SEC24D: variants seen among roughly 807,000 people sequenced by gnomAD.
SEC24D encodes the protein protein transport protein Sec24D.
In SEC24D, 69 loss-of-function variants were observed where a neutral mutation model predicts 116.9. The ratio of observed to expected loss-of-function variants is 0.59; its 90% CI spans 0.49 to 0.72. The LOEUF (loss-of-function observed/expected upper bound fraction) is 0.72, where lower values mean the gene tolerates loss of function less well. Among genes scored for constraint, SEC24D ranks in the 30% least tolerant of loss-of-function variants. The pLI, the probability that SEC24D is intolerant of heterozygous loss-of-function variation, is 0.00. For missense variants in SEC24D, 1,131 were observed against 1,264.1 expected (o/e 0.89, Z 1.60); for synonymous variants, 405 against 442.8 (o/e 0.91, Z 1.07).
chr4:118,821,239 T>C (rs1489838153), intron 3 of SEC24D, among the ~76,000 whole-genome samples: 3 of 152,248 alleles, frequency 2.0e-5, no homozygotes, highest in Non-Finnish European at 2.9e-5. Context: ...TTTGTTGAAA[T>C]CAATTTCTTA....
intron 6 of SEC24D, among the ~76,000 whole-genome samples, chr4:118,809,412 C>G (rs1328015647): frequency 6.6e-6 from 1 of 152,202 alleles, no homozygotes; most frequent in Admixed American, 6.5e-5. Context: ...GCACCTCGCT[C>G]AGGACTGGGG....
chr4:118,817,269 C>T lies in SEC24D; in HGVS notation c.392G>A (p.Ser131Asn), dbSNP rs749722663. 14 of 1,601,954 alleles carry T rather than the reference C, an allele frequency of 8.7e-6. 1 individual carries two copies. The South Asian group carries it at 1.5e-4, about 17-fold the overall frequency. Reference protein sequence around the residue: ...GSQLSAMQINSYGSGMAPPSQ... With the variant: ...GSQLSAMQINNYGSGMAPPSQ... ...ACTAATAATAAAACTATTACCATAGCTGTTGATTTGCATAGCACTGAGCTG... is the reference window on the plus strand; with the variant it reads ...ACTAATAATAAAACTATTACCATAGTTGTTGATTTGCATAGCACTGAGCTG... Residue 131 changes from serine to asparagine, a missense_variant, in exon 4 of 23, where the codon AGC (serine) becomes AAC (asparagine). Coordinates refer to ENST00000280551, the MANE Select transcript of SEC24D (RefSeq NM_014822.4).
chr4:118,745,066 A>AT lies in SEC24D; in HGVS notation c.1708-7_1708-6insA. The AT allele has an allele frequency of 6.5e-7, 1 of 1,527,896 alleles. No individual in the cohort carries two copies. The highest frequency in any genetic ancestry group is 2.3e-5 in the East Asian group (1 of 44,218). 94.6% of individuals were successfully genotyped at this position (1,527,896 alleles called of 1,614,324 possible). On this transcript the variant is annotated splice_region_variant and splice_polypyrimidine_tract_variant and intron_variant, in intron 13 of 22. Coordinates refer to ENST00000280551, the MANE Select transcript of SEC24D (RefSeq NM_014822.4). ...TTCCCAGGACAGTCTGCTGCCTAAA[A>AT]AAAAAAAAAAACCCAAAAACCCACA...
At position 118,798,348 on chromosome 4, in the gene SEC24D, T is replaced by C. The variant is rs564973983; in HGVS notation, c.914-538A>G. On this transcript the variant is annotated intron_variant, in intron 7 of 22. Transcript: ENST00000280551. ...TTCAAAATGAAAATTCTACTTATAA[T>C]AGAAATATTATTTTCAAAAACACCC... Among the ~76,000 whole-genome samples, 15 of 152,332 alleles carry C rather than the reference T, an allele frequency of 9.8e-5. No individual in the cohort carries two copies. In the South Asian group the frequency reaches 3.1e-3, roughly 32 times the overall value.
chr4:118,833,853 C>T, intron 1 of SEC24D, 116 bp from the exon 2 acceptor site: 1 of 572,160 alleles, frequency 1.7e-6, no homozygotes, highest in Non-Finnish European at 3.1e-6. Flanking sequence ...GTACAGATAT[C>T]AGGTACATGA....
chr4:118,778,021 G>A (rs1328578246), intron 8 of SEC24D, among the ~76,000 whole-genome samples: 1 of 151,936 alleles, frequency 6.6e-6, no homozygotes, highest in African/African-American at 2.4e-5. Context: ...TTGTCAGATG[G>A]GTAGATTGCA....
chr4:118,806,020 G>T, intron 6 of SEC24D, 66 bp from the exon 7 acceptor site: 1 of 1,005,166 alleles, frequency 9.9e-7, no homozygotes, highest in Non-Finnish European at 1.5e-6. Flanking sequence ...TCCATTTAGA[G>T]AGTACCCTTG....
chr4:118,804,389 T>C (rs541343917), intron 7 of SEC24D, among the ~76,000 whole-genome samples: 4 of 152,132 alleles, frequency 2.6e-5, no homozygotes, highest in East Asian at 1.9e-4. Context: ...GACGATGAGA[T>C]TGGTATATGA....
At chr4:118,792,896 A>AAAAACAAAAC (rs1359980891) in intron 8 of SEC24D, among the ~76,000 whole-genome samples, 8 of 152,324 alleles carry the variant, frequency 5.3e-5, no homozygotes, top group African/African-American at 1.9e-4. Flanking sequence ...ATAAATACTA[A>AAAAACAAAAC]AAAACAAAAC....
intron 13 of SEC24D, among the ~76,000 whole-genome samples, chr4:118,747,144 A>G (rs1052884366): frequency 3.3e-5 from 5 of 152,190 alleles, no homozygotes; most frequent in African/African-American, 9.7e-5. Context: ...TTTGGCCAGT[A>G]AAGACACATG....
In SEC24D at chr4:118,815,051, C is replaced by A. The variant is rs766955790; in HGVS notation, c.778G>T (p.Asp260Tyr). The change falls in exon 6 of 23, where the codon GAT becomes TAT. Residue 260 changes from aspartate (D) to tyrosine (Y), a missense_variant. By Grantham distance (160) the Asp-to-Tyr change is radical (BLOSUM62 -3). Coordinates refer to ENST00000280551, the MANE Select transcript of SEC24D (RefSeq NM_014822.4). ...AGPPQPQKKL[D>Y]PDSIPSPIQV... is the part of the protein sequence containing the mutation. The stretch of plus-strand genomic sequence containing the variant: ...ACTGGGCTAGGGATAGAGTCAGGAT[C>A]CAGCTTCTTCTGGGGCTGTGGCGGA... 1.0e-4 allele frequency: 161 copies of A among 1,614,042 alleles called. 2 individuals carry two copies. The South Asian group carries it at 1.7e-3, about 17-fold the overall frequency.
intron 2 of SEC24D, chr4:118,825,474 C>T (rs1420055555): frequency 2.3e-6 from 1 of 442,372 alleles, no homozygotes; most frequent in Non-Finnish European, 4.5e-6. Flanking sequence ...TGTCTTCAGA[C>T]ATTTCTCTCT....
At chr4:118,792,312 T>TGG (rs531394145) in intron 8 of SEC24D, among the ~76,000 whole-genome samples, 1 of 123,990 alleles carries the variant, frequency 8.1e-6, no homozygotes. Context: ...GTCCGGGAGG[T>TGG]GGGGGGGCGC....
chr4:118,752,140 A>G (rs748795239), intron 12 of SEC24D, 51 bp from the exon 13 acceptor site: 1 of 1,194,964 alleles, frequency 8.4e-7, no homozygotes, highest in South Asian at 1.3e-5. Flanking sequence ...ATATTTTAAT[A>G]AACTTCAAGC....
chr4:118,801,338 C>T (rs920746267), intron 7 of SEC24D, among the ~76,000 whole-genome samples: 9 of 151,782 alleles, frequency 5.9e-5, no homozygotes, highest in Admixed American at 5.2e-4. Context: ...ATCAGTCTGC[C>T]CAAAGTTAGA....
intron 19 of SEC24D, 47 bp downstream of exon 19, chr4:118,738,214 G>A: frequency 1.6e-6 from 2 of 1,224,830 alleles, no homozygotes; most frequent in Non-Finnish European, 2.4e-6. Context: ...GAAGAAATGA[G>A]TAGTCGTTTG....
chr4:118,750,709 T>C (rs1726781528), intron 13 of SEC24D, among the ~76,000 whole-genome samples: 1 of 152,208 alleles, frequency 6.6e-6, no homozygotes, highest in Non-Finnish European at 1.5e-5. Flanking sequence ...GACATTTGTT[T>C]GTAGTAACGT....
intron 10 of SEC24D, among the ~76,000 whole-genome samples, chr4:118,763,569 G>A (rs969037655): frequency 1.3e-5 from 2 of 152,176 alleles, no homozygotes; most frequent in Non-Finnish European, 2.9e-5. Flanking sequence ...TACACATGGT[G>A]CTTCAGATAT....
chr4:118,748,868 A>G (rs1056488113), intron 13 of SEC24D, among the ~76,000 whole-genome samples: 3 of 152,160 alleles, frequency 2.0e-5, no homozygotes, highest in Non-Finnish European at 4.4e-5. Context: ...ATGGTGCTCC[A>G]TAAACCTTTG....
Sources: gnomAD v4.1 joint callset for allele counts (sites outside exome capture counted in the v4.1 genomes callset) on GRCh38, gnomAD v4.1.1 for gene constraint, MANE v1.5 for transcripts, NCBI Gene and HGNC (gene_info 2026-07-23, HGNC 2026-07-21) for gene names.